The following AKAP6 variants were observed in gnomAD, a reference collection of about 807,000 sequenced individuals.
AKAP6 encodes A-kinase anchor protein 6.
Under a neutral mutation model 188.5 loss-of-function variants are expected in AKAP6, and 58 were observed. That is an observed-to-expected ratio of 0.31 (90% CI 0.25 to 0.38). The LOEUF is 0.38. Ranked by LOEUF, AKAP6 falls within the 10% of genes least tolerant of loss-of-function variation. The pLI, the probability that AKAP6 is intolerant of heterozygous loss-of-function variation, is 1.00. For synonymous variants in AKAP6, 989 were observed against 998.6 expected, an observed-to-expected ratio of 0.99 and a Z score of 0.18; for missense variants, 2,710 against 2,740.0, an observed-to-expected ratio of 0.99 and a Z score of 0.24.
intron 12 of AKAP6, 170 bp downstream of exon 12, chr14:32,774,063 C>T (rs745970769): frequency 3.1e-6 from 2 of 649,830 alleles, no homozygotes; most frequent in South Asian, 1.9e-5. Flanking sequence ...AGTTTTACTA[C>T]GAACTAGCTG....
rs1012397741 is a variant in AKAP6, at chr14:32,646,054, A to G, written c.2731-32257A>G. Among the ~76,000 whole-genome samples, 2 of 152,228 alleles carry G rather than the reference A, an allele frequency of 1.3e-5. 1 individual carries two copies. Among genetic ancestry groups the G allele is most frequent in the Admixed American group, 1.3e-4 (2 of 15,286 alleles). On this transcript the variant is annotated intron_variant, in intron 7 of 13. Transcript: ENST00000280979. ...CATGCACCACTGGAATCATCTTATC[A>G]TCTGCAGGCCAACTCTTCTGGTTGT...
intron 10 of AKAP6, 72 bp from the exon 11 acceptor site, chr14:32,735,586 G>C: frequency 8.3e-7 from 1 of 1,206,032 alleles, no homozygotes; most frequent in Non-Finnish European, 1.2e-6. Flanking sequence ...CTATGTTTTT[G>C]TTTTTTTGTT....
chr14:32,482,987 G>GTATATATATATATA, intron 2 of AKAP6, among the ~76,000 whole-genome samples: 1 of 75,476 alleles, frequency 1.3e-5, no homozygotes, highest in Admixed American at 1.4e-4. Context: ...GTGTGTGTGT[G>GTATATATATATATA]TGTATATATA....
chr14:32,793,740 C>A (rs2103783), intron 12 of AKAP6, among the ~76,000 whole-genome samples: 138,290 of 151,996 alleles, frequency 0.91, 62,969 homozygotes, highest in East Asian at 1. Flanking sequence ...AAACCATCAA[C>A]GATTAAAAAA....
At chr14:32,580,971 G>C (rs573919561) in intron 5 of AKAP6, among the ~76,000 whole-genome samples, 2 of 152,192 alleles carry the variant, frequency 1.3e-5, no homozygotes, top group South Asian at 2.1e-4. Flanking sequence ...ATTTGGGTTG[G>C]TTCCAAGTCT....
chr14:32,356,949 C>A (rs116106456), intron 1 of AKAP6, among the ~76,000 whole-genome samples: 1 of 151,926 alleles, frequency 6.6e-6, no homozygotes, highest in Non-Finnish European at 1.5e-5. Flanking sequence ...ATGCTTGCAC[C>A]GGACATATGC....
chr14:32,571,490 G>T (rs1286342840), intron 4 of AKAP6, among the ~76,000 whole-genome samples: 1 of 152,036 alleles, frequency 6.6e-6, no homozygotes, highest in African/African-American at 2.4e-5. Context: ...TGATCATGCC[G>T]CTGCACTCTA....
chr14:32,628,564 A>G (rs982175080), intron 7 of AKAP6, among the ~76,000 whole-genome samples: 23 of 152,046 alleles, frequency 1.5e-4, no homozygotes, highest in African/African-American at 5.6e-4. Flanking sequence ...GAAAGGAAGG[A>G]AGTTCTGTCT....
chr14:32,782,631 T>A (rs952025154), intron 12 of AKAP6, among the ~76,000 whole-genome samples: 6 of 152,156 alleles, frequency 3.9e-5, no homozygotes, highest in African/African-American at 1.4e-4. Flanking sequence ...TAAATTGAAA[T>A]TTTTAAACAT....
chr14:32,762,693 A>T (rs1296661004), intron 11 of AKAP6, among the ~76,000 whole-genome samples: 1 of 124,176 alleles, frequency 8.1e-6, no homozygotes, highest in Non-Finnish European at 1.8e-5. Context: ...ACAAACTATT[A>T]AAACAAAATT....
At chr14:32,583,694 C>T (rs1017365890) in intron 5 of AKAP6, among the ~76,000 whole-genome samples, 2 of 152,218 alleles carry the variant, frequency 1.3e-5, no homozygotes, top group Non-Finnish European at 2.9e-5. Context: ...TGCCCCTCCC[C>T]CAGCCTCGCT....
rs375052169 is a variant in AKAP6 at position 32,545,896 on chromosome 14, G to T, written c.1243G>T (p.Val415Phe). 13 of 1,614,078 alleles carry T rather than the reference G, an allele frequency of 8.1e-6. No individual in the cohort carries two copies. Among genetic ancestry groups the T allele is most frequent in the African/African-American group, 1.3e-5 (1 of 74,920 alleles). The stretch of plus-strand genomic sequence containing the variant: ...AGGCAATGGTGGAAAGAGGCAAATG[G>T]TTGATCTAAAGCCTGAGATGAGCAG... ...LKGNGGKRQMVDLKPEMSRST... is the reference protein window; with the variant it reads ...LKGNGGKRQMFDLKPEMSRST... Residue 415 changes from valine to phenylalanine, a missense_variant, in exon 4 of 14, where the codon GTT becomes TTT. Physicochemically the swap from Val to Phe is conservative, Grantham distance 50. Transcript: ENST00000280979.
At chr14:32,550,876 ATT>A (rs1883430410) in intron 4 of AKAP6, among the ~76,000 whole-genome samples, 2 of 152,238 alleles carry the variant, frequency 1.3e-5, no homozygotes, top group African/African-American at 4.8e-5. Context: ...TCCTTCCTGG[ATT>A]ACTGCAGTAG....
At chr14:32,397,551 T>C (rs1888922047) in intron 1 of AKAP6, among the ~76,000 whole-genome samples, 1 of 152,050 alleles carries the variant, frequency 6.6e-6, no homozygotes, top group African/African-American at 2.4e-5. Flanking sequence ...CTAAACTTTT[T>C]ATTGTCTTCT....
At position 32,813,398 on chromosome 14, in the gene AKAP6, C is replaced by CCA. The variant is rs944057549; in HGVS notation, c.3589-8003_3589-8002insAC. The stretch of plus-strand genomic sequence containing the variant: ...TTTCATCTCTAACCCTACCCCCCCC[C>CCA]CCAACCCCTTTCCCAGAGGTCCTTC... On this transcript the variant is annotated intron_variant, in intron 12 of 13. Transcript: ENST00000280979. Among the ~76,000 whole-genome samples, 70 of 124,978 alleles carry CCA rather than the reference C, an allele frequency of 5.6e-4. 2 individuals are homozygous for CCA. The highest frequency in any genetic ancestry group is 8.1e-4 in the Non-Finnish European group (48 of 59,424). 82.0% of individuals were successfully genotyped at this position (124,978 alleles called of 152,430 possible).
At position 32,829,868 on chromosome 14, in the gene AKAP6, G is replaced by A; in HGVS notation, c.*63G>A. The A allele has an allele frequency of 1.4e-6, 1 of 702,316 alleles. No individual in the cohort carries two copies. Among genetic ancestry groups the A allele is most frequent in the African/African-American group, 1.7e-5 (1 of 57,298 alleles). 43.5% of individuals were successfully genotyped at this position (702,316 alleles called of 1,614,324 possible). On this transcript the variant is annotated 3_prime_UTR_variant, in exon 14 of 14. Transcript: ENST00000280979. ...TGTAGATACGCCTGGCTGCAACTCA[G>A]GGGTGGCCTCATCCTCCCGCCCTGG...
chr14:32,782,393 G>C (rs2033280598), intron 12 of AKAP6, among the ~76,000 whole-genome samples: 1 of 152,046 alleles, frequency 6.6e-6, no homozygotes, highest in Non-Finnish European at 1.5e-5. Context: ...AATTGTATTG[G>C]AAGTTTTAGC....
intron 11 of AKAP6, among the ~76,000 whole-genome samples, chr14:32,765,862 T>C (rs1196081836): frequency 1.3e-5 from 2 of 152,204 alleles, no homozygotes; most frequent in Non-Finnish European, 2.9e-5. Flanking sequence ...TCTGATTGTA[T>C]AATCATTTAT....
intron 7 of AKAP6, among the ~76,000 whole-genome samples, chr14:32,651,652 G>A (rs1287564221): frequency 6.6e-6 from 1 of 152,074 alleles, no homozygotes; most frequent in Admixed American, 6.6e-5. Context: ...ATAAGCAAGA[G>A]CACACTCCCT....
Sources: allele counts gnomAD v4.1 joint callset (sites outside exome capture counted in the v4.1 genomes callset), GRCh38; gene constraint gnomAD v4.1.1; transcripts MANE v1.5; gene names NCBI Gene and HGNC (gene_info 2026-07-23, HGNC 2026-07-21).